The following DRC11 variants were observed in gnomAD, a reference collection of about 807,000 sequenced individuals.
DRC11 encodes IQ and AAA domain-containing protein 1.
At chr2:236,343,609 G>A in the DRC11 span, 1 of 725,612 alleles carries the variant, frequency 1.4e-6, no homozygotes, top group Non-Finnish European at 2.2e-6. The surrounding 1 kb of genome is among the most constrained non-coding windows in gnomAD (Gnocchi z 6.6). Context: ...AACTCCAGGT[G>A]TGTGACACGT....
the DRC11 span, among the ~76,000 whole-genome samples, chr2:236,344,964 G>A: frequency 2.8e-5 from 4 of 145,298 alleles, no homozygotes; most frequent in Admixed American, 6.9e-5. Context: ...CTTCCCTCTG[G>A]GGTGTGCAGA....
chr2:236,329,277 T>C, the DRC11 span, among the ~76,000 whole-genome samples: 1 of 152,176 alleles, frequency 6.6e-6, no homozygotes, highest in Non-Finnish European at 1.5e-5. Flanking sequence ...CTCACTTATT[T>C]TCAGGTTCCA....
chr2:236,499,069 C>T, the DRC11 span, among the ~76,000 whole-genome samples: 1 of 152,198 alleles, frequency 6.6e-6, no homozygotes, highest in Non-Finnish European at 1.5e-5. The surrounding 1 kb of genome is among the most constrained non-coding windows in gnomAD (Gnocchi z 4.7). Context: ...GAAGGAGAAG[C>T]AAGCCGGTCA....
the DRC11 span, among the ~76,000 whole-genome samples, chr2:236,485,639 C>T: frequency 7.9e-5 from 12 of 152,304 alleles, no homozygotes; most frequent in African/African-American, 2.6e-4. Context: ...GAATTGGCTT[C>T]AGGGGGTTTG....
At chr2:236,434,557 T>TG in the DRC11 span, among the ~76,000 whole-genome samples, 2 of 152,130 alleles carry the variant, frequency 1.3e-5, no homozygotes, top group African/African-American at 2.4e-5. This position sits in a 1 kb window ranked among gnomAD's most constrained non-coding sequence, Gnocchi z 5.5. Context: ...AATCGGAGTG[T>TG]GGGGGGATGA....
the DRC11 span, chr2:236,493,648 G>GGA: frequency 1.3e-6 from 1 of 765,016 alleles, no homozygotes; most frequent in Non-Finnish European, 2.0e-6. Context: ...GTATAACGAG[G>GGA]GAGGGATCAT....
chr2:236,364,383 T>C, the DRC11 span, among the ~76,000 whole-genome samples: 209 of 148,540 alleles, frequency 1.4e-3, 1 homozygote, highest in African/African-American at 4.8e-3. Context: ...TGTGGAGACA[T>C]AGACGATAAG....
chr2:236,470,555 C>G, the DRC11 span, among the ~76,000 whole-genome samples: 1 of 152,120 alleles, frequency 6.6e-6, no homozygotes. This position sits in a 1 kb window ranked among gnomAD's most constrained non-coding sequence, Gnocchi z 5.1. Flanking sequence ...ATGCACCGCT[C>G]CTCAGTCGGT....
At chr2:236,351,033 C>T in the DRC11 span, among the ~76,000 whole-genome samples, 29 of 152,308 alleles carry the variant, frequency 1.9e-4, no homozygotes, top group Non-Finnish European at 1.6e-4. This position sits in a 1 kb window ranked among gnomAD's most constrained non-coding sequence, Gnocchi z 7.3. Flanking sequence ...TGTTTTCAAA[C>T]GTGTGAAGGA....
chr2:236,387,360 T>G, the DRC11 span, among the ~76,000 whole-genome samples: 1 of 152,166 alleles, frequency 6.6e-6, no homozygotes, highest in Non-Finnish European at 1.5e-5. Context: ...TATTGGTGCA[T>G]ATATATTTAG....
chr2:236,392,170 A>G, the DRC11 span: 2 of 1,483,740 alleles, frequency 1.3e-6, no homozygotes, highest in Non-Finnish European at 1.9e-6. This position sits in a 1 kb window ranked among gnomAD's most constrained non-coding sequence, Gnocchi z 5.1. Flanking sequence ...GTAGGTCATT[A>G]GTAGGAAATT....
At chr2:236,482,233 T>C in the DRC11 span, among the ~76,000 whole-genome samples, 1 of 152,016 alleles carries the variant, frequency 6.6e-6, no homozygotes, top group South Asian at 2.1e-4. The surrounding 1 kb of genome is among the most constrained non-coding windows in gnomAD (Gnocchi z 4.5). Flanking sequence ...TGCTGGCATA[T>C]CACTACATTA....
chr2:236,421,153 G>C, the DRC11 span, among the ~76,000 whole-genome samples: 1 of 152,148 alleles, frequency 6.6e-6, no homozygotes, highest in Non-Finnish European at 1.5e-5. Context: ...AAAAGAACTA[G>C]AGAAGCAAGA....
At chr2:236,448,138 C>T in the DRC11 span, among the ~76,000 whole-genome samples, 2 of 152,190 alleles carry the variant, frequency 1.3e-5, no homozygotes, top group African/African-American at 4.8e-5. The surrounding 1 kb of genome is among the most constrained non-coding windows in gnomAD (Gnocchi z 5.3). Flanking sequence ...AAATACTTTA[C>T]AAACTGCAAA....
the DRC11 span, among the ~76,000 whole-genome samples, chr2:236,479,576 AC>A: frequency 6.6e-6 from 1 of 152,200 alleles, no homozygotes; most frequent in Non-Finnish European, 1.5e-5. The surrounding 1 kb of genome is among the most constrained non-coding windows in gnomAD (Gnocchi z 4.1). Flanking sequence ...ATGAGGACTT[AC>A]CTTTGATCAC....
chr2:236,328,649 G>A, the DRC11 span, among the ~76,000 whole-genome samples: 1 of 147,204 alleles, frequency 6.8e-6, no homozygotes, highest in African/African-American at 2.4e-5. This position sits in a 1 kb window ranked among gnomAD's most constrained non-coding sequence, Gnocchi z 6.7. Context: ...TGGCACTGGG[G>A]GATTCCCTCT....
chr2:236,504,202 G>A, the DRC11 span, among the ~76,000 whole-genome samples: 4 of 123,482 alleles, frequency 3.2e-5, no homozygotes, highest in South Asian at 2.3e-4. The surrounding 1 kb of genome is among the most constrained non-coding windows in gnomAD (Gnocchi z 5.0). Context: ...ACGGCGGTGG[G>A]GGGGGGCGTT....
At chr2:236,465,602 C>T in the DRC11 span, 2 of 1,613,870 alleles carry the variant, frequency 1.2e-6, no homozygotes, top group African/African-American at 2.7e-5. This position sits in a 1 kb window ranked among gnomAD's most constrained non-coding sequence, Gnocchi z 6.2. Context: ...GTAACCAGGG[C>T]TTCCCTGTAG....
chr2:236,385,149 T>C, the DRC11 span, among the ~76,000 whole-genome samples: 1 of 151,910 alleles, frequency 6.6e-6, no homozygotes, highest in Non-Finnish European at 1.5e-5. Context: ...CGCGGGCTCT[T>C]TTTTGGTTCC....
Sources: gnomAD v4.1 joint callset for allele counts (sites outside exome capture counted in the v4.1 genomes callset) on GRCh38, gnomAD v4.1.1 for gene constraint, Gnocchi (gnomAD v3.1) non-coding constraint, MANE v1.5 for transcripts, NCBI Gene and HGNC (gene_info 2026-07-23, HGNC 2026-07-21) for gene names.